LOXL2: variants seen among roughly 807,000 people sequenced by gnomAD.
LOXL2 encodes lysyl oxidase homolog 2.
A neutral mutation model predicts 93.0 loss-of-function variants in LOXL2; 70 were observed. That is an observed-to-expected ratio of 0.75 (90% CI 0.62 to 0.92). LOXL2 has a LOEUF of 0.92. Among genes scored for constraint, LOXL2 ranks in the 40% least tolerant of loss-of-function variants. LOXL2 has a pLI of 0.00. For synonymous variants in LOXL2, 438 were observed against 413.2 expected, an observed-to-expected ratio of 1.06 and a Z score of -0.73; for missense variants, 973 against 1,054.9, an observed-to-expected ratio of 0.92 and a Z score of 1.08.
chr8:23,386,474 C>T (rs1038396606), intron 1 of LOXL2, among the ~76,000 whole-genome samples: 1 of 152,190 alleles, frequency 6.6e-6, no homozygotes, highest in African/African-American at 2.4e-5. Context: ...GTAAGTTCTC[C>T]ATCTACCCTT....
rs1318369401 is a variant in LOXL2 at position 23,297,796 on chromosome 8, A to G, written c.*247T>C. 6 of 455,862 alleles carry G rather than the reference A, an allele frequency of 1.3e-5. No individual in the cohort carries two copies. The highest frequency in any genetic ancestry group is 1.6e-5 in the Non-Finnish European group (4 of 252,550). 28.2% of individuals were successfully genotyped at this position (455,862 alleles called of 1,614,324 possible). On this transcript the variant is annotated 3_prime_UTR_variant, in exon 14 of 14. Coordinates refer to ENST00000389131, the MANE Select transcript of LOXL2 (RefSeq NM_002318.3). ...CAAGACTGGCTCTTGGTGCTGCTCC[A>G]GCAGCTCTGTGGACAAACCCCACCC...
At chr8:23,373,258 A>G (rs1009390915) in intron 1 of LOXL2, among the ~76,000 whole-genome samples, 7 of 152,198 alleles carry the variant, frequency 4.6e-5, no homozygotes, top group African/African-American at 1.4e-4. Flanking sequence ...GAGTTCGCCT[A>G]CAAGGTATCA....
At chr8:23,370,394 C>T (rs1804475646) in intron 1 of LOXL2, among the ~76,000 whole-genome samples, 2 of 152,160 alleles carry the variant, frequency 1.3e-5, no homozygotes, top group South Asian at 4.1e-4. Flanking sequence ...TCATGTCTGG[C>T]TCTGCCACCG....
chr8:23,311,764 C>T (rs1019387875), intron 9 of LOXL2, among the ~76,000 whole-genome samples: 1 of 152,176 alleles, frequency 6.6e-6, no homozygotes, highest in African/African-American at 2.4e-5. Flanking sequence ...TGGAACTACC[C>T]TAGACTAACA....
chr8:23,390,469 T>C lies in LOXL2; in HGVS notation c.-84+13485A>G, dbSNP rs531011502. On this transcript the variant is annotated intron_variant, in intron 1 of 13. Coordinates refer to ENST00000389131, the MANE Select transcript of LOXL2 (RefSeq NM_002318.3). ...TGGGAATGTTCAGGGCACAGTGAGATGGTGAGAAGGTAAGCATACAAAACT... is the reference window on the plus strand; with the variant it reads ...TGGGAATGTTCAGGGCACAGTGAGACGGTGAGAAGGTAAGCATACAAAACT... Among the ~76,000 whole-genome samples, 57 of 152,332 alleles carry C rather than the reference T, an allele frequency of 3.7e-4. No individual in the cohort carries two copies. In the South Asian group the frequency reaches 8.3e-3, roughly 22 times the overall value.
intron 3 of LOXL2, among the ~76,000 whole-genome samples, chr8:23,346,844 G>A (rs1160424912): frequency 6.6e-6 from 1 of 152,140 alleles, no homozygotes; most frequent in Non-Finnish European, 1.5e-5. Flanking sequence ...TCATCCTGAG[G>A]GTGAGGAGGG....
At position 23,312,057 on chromosome 8, in the gene LOXL2, G is replaced by A. The variant is rs144073938; in HGVS notation, c.1637-2146C>T. The stretch of plus-strand genomic sequence containing the variant: ...ATAAACTAGAAATCTAGAAGAAATG[G>A]ATAAATTCCTCGACACATACACCGT... On this transcript the variant is annotated intron_variant, in intron 9 of 13. Transcript: ENST00000389131. 9.1e-3 allele frequency among the ~76,000 whole-genome samples: 1,393 copies of A among 152,296 alleles called. 83 individuals carry two copies. In the East Asian group the frequency reaches 0.16, roughly 17 times the overall value.
At chr8:23,399,033 G>T (rs549723066) in intron 1 of LOXL2, among the ~76,000 whole-genome samples, 1 of 152,330 alleles carries the variant, frequency 6.6e-6, no homozygotes, top group East Asian at 1.9e-4. Context: ...ACTTACACAG[G>T]ACTGAAGACT....
intron 3 of LOXL2, among the ~76,000 whole-genome samples, chr8:23,356,806 G>A (rs190202978): frequency 3.3e-4 from 51 of 152,306 alleles, no homozygotes; most frequent in Non-Finnish European, 7.1e-4. Flanking sequence ...CATCTCCATA[G>A]GTTGCCCTCT....
intron 2 of LOXL2, chr8:23,365,021 A>C (rs1463111553): frequency 6.6e-6 from 1 of 152,264 alleles, no homozygotes; most frequent in African/African-American, 2.4e-5. Context: ...ACAGGGGTTG[A>C]GAATCAGGAC....
chr8:23,387,333 G>T (rs1804780043), intron 1 of LOXL2, among the ~76,000 whole-genome samples: 2 of 152,214 alleles, frequency 1.3e-5, no homozygotes, highest in South Asian at 4.1e-4. Context: ...GATCAGGAAA[G>T]AATTCCTTCA....
intron 1 of LOXL2, among the ~76,000 whole-genome samples, chr8:23,374,983 C>T (rs1160457653): frequency 6.6e-6 from 1 of 152,174 alleles, no homozygotes; most frequent in East Asian, 1.9e-4. Flanking sequence ...GCTTTTGTTG[C>T]CATTGCTTTT....
Position 23,318,453 on chromosome 8 carries a change from AC to A in LOXL2, c.1471-1340del, listed in dbSNP as rs1563188765. Among the ~76,000 whole-genome samples the A allele has an allele frequency of 8.0e-3, 1,109 of 138,970 alleles. 5 individuals are homozygous for A. The highest frequency in any genetic ancestry group is 0.011 in the Non-Finnish European group (739 of 67,642). The allele number at this position is 138,970 out of a possible 152,430, so 91.2% of individuals were successfully genotyped here. ...CACACACACACACACACACACACAC[AC>A]ACACACAAAAATACACATTCATACA... On this transcript the variant is annotated intron_variant, in intron 8 of 13. Transcript: ENST00000389131.
chr8:23,367,817 C>T (rs369372599), intron 2 of LOXL2, among the ~76,000 whole-genome samples, 180 bp downstream of exon 2: 85 of 152,304 alleles, frequency 5.6e-4, no homozygotes, highest in African/African-American at 1.9e-3. Context: ...GCCCCCCGAC[C>T]CCGCCTTCCT....
At chr8:23,299,325 G>A (rs2280938) in intron 12 of LOXL2, among the ~76,000 whole-genome samples, 7,801 of 152,266 alleles carry the variant, frequency 0.051, 262 homozygotes, top group African/African-American at 0.091. Context: ...AGGACCTGGC[G>A]GTGTGGGAAC....
Position 23,298,029 on chromosome 8 carries a change from C to T in LOXL2, c.*14G>A. 13 of 1,611,276 alleles carry T rather than the reference C, an allele frequency of 8.1e-6. No individual in the cohort carries two copies. The highest frequency in any genetic ancestry group is 1.1e-5 in the Non-Finnish European group (13 of 1,178,248). ...GGTGTGGCCTGAAGACAGGAGTTGA[C>T]CACGCAGGCTTCTTTACTGCGGGGA... On this transcript the variant is annotated 3_prime_UTR_variant, in exon 14 of 14. Transcript: ENST00000389131.
intron 7 of LOXL2, 99 bp from the exon 8 acceptor site, chr8:23,320,151 G>A: frequency 1.6e-6 from 2 of 1,264,802 alleles, no homozygotes; most frequent in Non-Finnish European, 2.2e-6. Flanking sequence ...TAAGCCAGGT[G>A]GTGCTGCCCG....
chr8:23,319,969 C>T lies in LOXL2; in HGVS notation c.1386G>A (p.Met462Ile), dbSNP rs1306886433. The change falls in exon 8 of 14, where the codon ATG becomes ATA. Residue 462 changes from methionine (M) to isoleucine (I), a missense_variant. Coordinates refer to ENST00000389131, the MANE Select transcript of LOXL2 (RefSeq NM_002318.3). ...CGATGCCCCAGTTTTGGCCACACAC[C>T]ATCCCCCACACAAGGGACCCGTTTC... is the stretch of plus-strand genomic sequence containing the variant. ...VERNGSLVWG[M>I]VCGQNWGIVE... 6.2e-7 allele frequency: 1 copy of T among 1,614,106 alleles called. No individual in the cohort carries two copies. Among genetic ancestry groups the T allele is most frequent in the Admixed American group, 1.7e-5 (1 of 60,022 alleles).
intron 10 of LOXL2, among the ~76,000 whole-genome samples, chr8:23,308,744 TC>T (rs1563185562): frequency 1.3e-5 from 2 of 152,254 alleles, no homozygotes; most frequent in East Asian, 3.9e-4. Flanking sequence ...ACCCTGTTCT[TC>T]TGTCCTTGTC....
Sources: allele counts gnomAD v4.1 joint callset (sites outside exome capture counted in the v4.1 genomes callset), GRCh38; gene constraint gnomAD v4.1.1; transcripts MANE v1.5; gene names NCBI Gene and HGNC (gene_info 2026-07-23, HGNC 2026-07-21).